The following LMF1 variants were observed in gnomAD, a reference collection of about 807,000 sequenced individuals.
The protein encoded by LMF1 is transmembrane protein 112.
In LMF1, 68 loss-of-function variants were observed where a neutral mutation model predicts 60.6. The observed-to-expected ratio is 1.12, with a 90% CI of 0.92 to 1.37. LMF1 has a LOEUF of 1.37. LMF1 is among the 40% of genes most tolerant of loss of function. The pLI is 0.00. For synonymous variants in LMF1, 418 were observed against 324.7 expected (o/e 1.29, Z -3.09); for missense variants, 948 against 767.2 (o/e 1.24, Z -2.78).
intron 4 of LMF1, chr16:899,466 G>A (rs546439154): frequency 2.6e-5 from 4 of 152,234 alleles, no homozygotes; most frequent in Admixed American, 6.5e-5. Context: ...AAGCAATTAG[G>A]ATAATTACTC....
chr16:933,954 CT>C, intron 3 of LMF1: 1 of 1,414,608 alleles, frequency 7.1e-7, no homozygotes, highest in Non-Finnish European at 9.3e-7. Context: ...CCTGTGGGTG[CT>C]TTCCCTCTGC....
upstream of LMF1, among the ~76,000 whole-genome samples, chr16:971,568 G>A (rs568909658): frequency 3.8e-4 from 58 of 152,328 alleles, no homozygotes; most frequent in South Asian, 1.0e-3. Context: ...CCCAGCTCCT[G>A]CCTGCCCTTG....
chr16:893,069 G>A lies in LMF1; in HGVS notation c.667C>T (p.Leu223=). ...CACCGGTCCCCCCGGATCTTGATCA[G>A]GCCCTGCAAGGAAGAGAGCAGAGGG... ...LIFRIMLGAG[L]IKIRGDRCWR... is the part of the protein sequence containing the mutation. Residue 223 remains leucine, a synonymous_variant, in exon 5 of 11, where the codon CTG becomes TTG. Transcript: ENST00000262301. 1.3e-6 allele frequency: 2 copies of A among 1,553,984 alleles called. No individual in the cohort carries two copies. Among genetic ancestry groups the A allele is most frequent in the Non-Finnish European group, 1.7e-6 (2 of 1,148,962 alleles).
At chr16:971,080 A>C, upstream of LMF1, 1 of 1,247,050 alleles carries the variant, frequency 8.0e-7, no homozygotes, top group South Asian at 1.8e-5. Flanking sequence ...CCCACGGCCG[A>C]AGGCCCCACC....
upstream of LMF1, among the ~76,000 whole-genome samples, chr16:971,997 G>C (rs544596726): frequency 6.6e-6 from 1 of 152,064 alleles, no homozygotes; most frequent in Non-Finnish European, 1.5e-5. Flanking sequence ...GTGTTTTGGC[G>C]TATCAATTAT....
At chr16:906,123 G>C (rs1253476291) in intron 4 of LMF1, among the ~76,000 whole-genome samples, 1 of 152,204 alleles carries the variant, frequency 6.6e-6, no homozygotes, top group African/African-American at 2.4e-5. Flanking sequence ...TGGTGCAAAG[G>C]CTTCTTTCTC....
chr16:977,022 C>A (rs1028611308), intron 1 of LMF1: 1 of 454,068 alleles, frequency 2.2e-6, no homozygotes, highest in Admixed American at 2.4e-5. Context: ...ACCAGGAGGA[C>A]GTCTGGGCTG....
intron 5 of LMF1, among the ~76,000 whole-genome samples, chr16:890,480 C>A (rs1489695880): frequency 2.0e-5 from 3 of 152,130 alleles, no homozygotes; most frequent in African/African-American, 7.2e-5. Context: ...TGGCCCTGGA[C>A]CCCGTGTGAC....
chr16:892,230 C>T (rs978377722), intron 5 of LMF1, among the ~76,000 whole-genome samples: 4 of 152,168 alleles, frequency 2.6e-5, no homozygotes, highest in African/African-American at 4.8e-5. Context: ...AGCAGGCAGA[C>T]GATGATGGCT....
intron 1 of LMF1, chr16:976,866 G>A (rs1001085339): frequency 2.9e-5 from 13 of 454,014 alleles, no homozygotes; most frequent in Non-Finnish European, 5.7e-5. Context: ...AGCCTGGGCA[G>A]GGGTCCCCAG....
chr16:900,190 C>G (rs1485390186), intron 4 of LMF1: 1 of 152,274 alleles, frequency 6.6e-6, no homozygotes, highest in Non-Finnish European at 1.5e-5. Flanking sequence ...ATCTTAGTTA[C>G]TGGAGTTTCC....
At chr16:886,357 A>AC (rs890484123) in intron 5 of LMF1, among the ~76,000 whole-genome samples, 1 of 152,072 alleles carries the variant, frequency 6.6e-6, no homozygotes, top group African/African-American at 2.4e-5. Flanking sequence ...TGGCAAGAGG[A>AC]CCCCAGGACA....
At chr16:893,333 A>G (rs567166083) in intron 4 of LMF1, 2 of 589,982 alleles carry the variant, frequency 3.4e-6, no homozygotes, top group Non-Finnish European at 6.4e-6. Context: ...GCCTTCCCCA[A>G]CACTCATTCT....
intron 3 of LMF1, among the ~76,000 whole-genome samples, chr16:918,626 C>A (rs759318393): frequency 1.3e-5 from 2 of 152,116 alleles, no homozygotes; most frequent in South Asian, 2.1e-4. Context: ...TCGTGGGCTG[C>A]GGGGACGTTG....
intron 2 of LMF1, among the ~76,000 whole-genome samples, chr16:946,923 T>C (rs2072251465): frequency 6.6e-6 from 1 of 152,218 alleles, no homozygotes; most frequent in Non-Finnish European, 1.5e-5. Flanking sequence ...GGCTCCCATA[T>C]GAGAGACGCT....
chr16:881,095 C>T (rs1254368459), intron 5 of LMF1, among the ~76,000 whole-genome samples: 3 of 152,166 alleles, frequency 2.0e-5, no homozygotes, highest in Admixed American at 6.5e-5. Flanking sequence ...ACGTGGAAGT[C>T]GGGGCCCCCA....
chr16:859,316 GCAGTGTTGTCACGGGACGGGTGTGC>G (rs2069348497), intron 10 of LMF1, among the ~76,000 whole-genome samples: 5 of 2,940 alleles, frequency 1.7e-3, no homozygotes, highest in Non-Finnish European at 3.3e-3. Context: ...GGACGGGTGT[GCAGTGTTGTCACGGGACGGGTGTGC>G]AGTGGTGTCT....
At chr16:885,367 G>C (rs1397595275) in intron 5 of LMF1, among the ~76,000 whole-genome samples, 1 of 152,162 alleles carries the variant, frequency 6.6e-6, no homozygotes, top group Non-Finnish European at 1.5e-5. Context: ...CAAATCGCAA[G>C]ACAACAGGCT....
intron 5 of LMF1, among the ~76,000 whole-genome samples, chr16:890,252 G>A (rs1012171381): frequency 1.4e-4 from 22 of 152,194 alleles, no homozygotes; most frequent in Non-Finnish European, 2.9e-4. Context: ...CTGAACGCTC[G>A]CTACTCCAGG....
Sources: gnomAD v4.1 joint callset for allele counts (sites outside exome capture counted in the v4.1 genomes callset) on GRCh38, gnomAD v4.1.1 for gene constraint, MANE v1.5 for transcripts, NCBI Gene and HGNC (gene_info 2026-07-23, HGNC 2026-07-21) for gene names.